Variants in CACNB2 observed in about 807,000 individuals in gnomAD.
The protein encoded by CACNB2 is voltage-dependent L-type calcium channel subunit beta-2.
In CACNB2, 42 loss-of-function variants were observed where a neutral mutation model predicts 73.3. The ratio of observed to expected loss-of-function variants is 0.57; its 90% confidence interval spans 0.45 to 0.74. CACNB2 has a LOEUF of 0.74. Ranked by LOEUF, CACNB2 falls within the 30% of genes least tolerant of loss-of-function variation. The pLI is 0.00. For synonymous variants in CACNB2, 348 were observed against 310.3 expected, an observed-to-expected ratio of 1.12 and a Z score of -1.28; for missense variants, 940 against 853.0, an observed-to-expected ratio of 1.10 and a Z score of -1.27.
At chr10:18,207,181 G>T (rs2131335982) in intron 2 of CACNB2, among the ~76,000 whole-genome samples, 1 of 152,094 alleles carries the variant, frequency 6.6e-6, no homozygotes. Context: ...ACTAATTTTT[G>T]TAGTTTTGGT....
chr10:18,520,140 A>G (rs1468195617), intron 9 of CACNB2: 5 of 193,378 alleles, frequency 2.6e-5, no homozygotes, highest in Admixed American at 1.8e-4. Flanking sequence ...TCTTTCCTCT[A>G]AATTCTAGAC....
chr10:18,481,634 C>T lies in CACNB2; in HGVS notation c.334-16721C>T, dbSNP rs569463934. 3.7e-4 allele frequency among the ~76,000 whole-genome samples: 56 copies of T among 152,078 alleles called. No individual in the cohort carries two copies. In the Middle Eastern group the frequency reaches 0.01, roughly 28 times the overall value. On this transcript the variant is annotated intron_variant, in intron 3 of 13. Coordinates refer to ENST00000324631, the MANE Select transcript of CACNB2 (RefSeq NM_201596.3). Reference sequence around the variant, plus strand: ...AGGATTGAGCCATCAATCAATCACACCTAGTAGCAGCCAAGTCTATTACAG... The same window carrying T: ...AGGATTGAGCCATCAATCAATCACATCTAGTAGCAGCCAAGTCTATTACAG...
intron 2 of CACNB2, among the ~76,000 whole-genome samples, chr10:18,332,212 T>C (rs2040833202): frequency 6.6e-6 from 1 of 152,176 alleles, no homozygotes; most frequent in Non-Finnish European, 1.5e-5. Flanking sequence ...CTTTGGCTGC[T>C]CTATGGAGAT....
chr10:18,235,141 T>TAA (rs2036387496), intron 2 of CACNB2, among the ~76,000 whole-genome samples: 2 of 104,478 alleles, frequency 1.9e-5, no homozygotes, highest in Admixed American at 1.0e-4. Context: ...AGACTCTGTC[T>TAA]CAAAAAAAAA....
At chr10:18,476,881 G>A (rs113506213) in intron 3 of CACNB2, among the ~76,000 whole-genome samples, 7,407 of 152,168 alleles carry the variant, frequency 0.049, 269 homozygotes, top group Non-Finnish European at 0.064. Context: ...CTAGCCATGT[G>A]TAGTGGCACA....
intron 2 of CACNB2, among the ~76,000 whole-genome samples, chr10:18,213,203 G>A (rs1213464953): frequency 6.6e-6 from 1 of 152,116 alleles, no homozygotes; most frequent in East Asian, 1.9e-4. Context: ...TCCTTATAAG[G>A]GTCCTGCGCC....
intron 3 of CACNB2, among the ~76,000 whole-genome samples, chr10:18,424,440 C>G (rs1201922716): frequency 6.6e-6 from 1 of 152,030 alleles, no homozygotes; most frequent in East Asian, 1.9e-4. Flanking sequence ...TGTGGTAACG[C>G]CTGGGTGTTG....
At chr10:18,330,267 A>G (rs2040749051) in intron 2 of CACNB2, among the ~76,000 whole-genome samples, 1 of 152,202 alleles carries the variant, frequency 6.6e-6, no homozygotes. Flanking sequence ...TTAGTCACAT[A>G]TCATGCATAT....
rs1268136630 is a variant in CACNB2, at chr10:18,273,290, C to T, written c.213+122315C>T. Among the ~76,000 whole-genome samples the T allele has an allele frequency of 2.0e-5, 3 of 152,000 alleles. No homozygotes were observed. In the East Asian group the frequency reaches 5.8e-4, roughly 29 times the overall value. On this transcript the variant is annotated intron_variant, in intron 2 of 13. Transcript: ENST00000324631. The stretch of plus-strand genomic sequence containing the variant: ...GGAGAGGGGAGGGCTACTTGATCGG[C>T]TCTCTCACCATGCTTACAGACAGTG...
In CACNB2 at chr10:18,506,454, T is replaced by G. The variant is rs1214022119; in HGVS notation, c.594-17T>G. On this transcript the variant is annotated splice_polypyrimidine_tract_variant and intron_variant, in intron 5 of 13. Coordinates refer to ENST00000324631, the MANE Select transcript of CACNB2 (RefSeq NM_201596.3). ...AAATAAGTGTCAGATTTAATAGAAA[T>G]TTTTGCTTTACTCCAGTAAATCAGG... is the stretch of plus-strand genomic sequence containing the variant. The G allele has an allele frequency of 4.0e-6, 6 of 1,495,722 alleles. No homozygotes were observed. The highest frequency in any genetic ancestry group is 1.7e-5 in the Admixed American group (1 of 59,812). The allele number at this position is 1,495,722 out of a possible 1,614,324, so 92.7% of individuals were successfully genotyped here.
chr10:18,441,931 G>A (rs993384976), intron 3 of CACNB2, among the ~76,000 whole-genome samples: 2 of 152,186 alleles, frequency 1.3e-5, no homozygotes, highest in Non-Finnish European at 2.9e-5. Flanking sequence ...TCAGTGTGAT[G>A]TTTTGATATA....
intron 2 of CACNB2, among the ~76,000 whole-genome samples, chr10:18,250,831 G>C (rs939457567): frequency 5.3e-5 from 8 of 152,176 alleles, no homozygotes; most frequent in African/African-American, 1.9e-4. Context: ...TCCCAGGTCT[G>C]CTCTTACTCC....
intron 3 of CACNB2, among the ~76,000 whole-genome samples, chr10:18,470,312 A>AT (rs2132744563): frequency 6.7e-6 from 1 of 149,306 alleles, no homozygotes; most frequent in African/African-American, 2.4e-5. Flanking sequence ...CATGTATATA[A>AT]TATATATATT....
chr10:18,304,484 A>G (rs2039650796), intron 2 of CACNB2, among the ~76,000 whole-genome samples: 1 of 152,082 alleles, frequency 6.6e-6, no homozygotes, highest in Non-Finnish European at 1.5e-5. Context: ...CCAAATTTCC[A>G]GGTGAAGGAT....
intron 2 of CACNB2, among the ~76,000 whole-genome samples, chr10:18,267,016 A>ATGTG (rs927744620): frequency 2.0e-4 from 30 of 151,634 alleles, no homozygotes; most frequent in African/African-American, 7.0e-4. Flanking sequence ...GTGTGTATAT[A>ATGTG]TGTGTGTGTG....
chr10:18,296,785 A>C (rs916495605), intron 2 of CACNB2, among the ~76,000 whole-genome samples: 18 of 152,182 alleles, frequency 1.2e-4, no homozygotes. Flanking sequence ...TGGAAACAAA[A>C]TTATTTTCTC....
intron 2 of CACNB2, among the ~76,000 whole-genome samples, chr10:18,302,372 G>A (rs1039715755): frequency 6.6e-6 from 1 of 152,164 alleles, no homozygotes; most frequent in African/African-American, 2.4e-5. Context: ...AAATGTGAAT[G>A]ACATTATACA....
At chr10:18,468,883 GC>G (rs2048035890) in intron 3 of CACNB2, among the ~76,000 whole-genome samples, 1 of 152,196 alleles carries the variant, frequency 6.6e-6, no homozygotes, top group Admixed American at 6.5e-5. Flanking sequence ...ACAGGCATGA[GC>G]CACCATGCCT....
chr10:18,426,852 G>A (rs756292947), intron 3 of CACNB2, among the ~76,000 whole-genome samples: 1 of 151,658 alleles, frequency 6.6e-6, no homozygotes, highest in South Asian at 2.1e-4. Flanking sequence ...TTCTATAGAG[G>A]TACTTTAGCA....
Sources: allele counts gnomAD v4.1 joint callset (sites outside exome capture counted in the v4.1 genomes callset), GRCh38; gene constraint gnomAD v4.1.1; transcripts MANE v1.5; gene names NCBI Gene and HGNC (gene_info 2026-07-23, HGNC 2026-07-21).